The following CCSER1 variants were observed in gnomAD, a reference collection of about 807,000 sequenced individuals.
CCSER1 encodes the protein serine-rich coiled-coil domain-containing protein 1.
Under a neutral mutation model 82.0 loss-of-function variants are expected in CCSER1, and 41 were observed. That is an observed-to-expected ratio of 0.50 (90% CI 0.39 to 0.65). CCSER1 has a LOEUF of 0.65. Among genes scored for constraint, CCSER1 ranks in the 30% least tolerant of loss-of-function variants. CCSER1 has a pLI of 0.00. For missense variants in CCSER1, 1,119 were observed against 1,064.2 expected, an observed-to-expected ratio of 1.05 and a Z score of -0.72; for synonymous variants, 414 against 383.9, an observed-to-expected ratio of 1.08 and a Z score of -0.92.
intron 5 of CCSER1, among the ~76,000 whole-genome samples, chr4:90,544,438 C>T (rs79428743): frequency 1.3e-5 from 2 of 152,034 alleles, no homozygotes; most frequent in South Asian, 2.1e-4. Flanking sequence ...AAGTTCCTAG[C>T]GTGAAACTTC....
chr4:90,865,051 G>A lies in CCSER1; in HGVS notation c.2094+49206G>A, dbSNP rs150394333. ...TTTGTTTTCTTTATTCATCTAGGCAGCACTTTTTCATTTTGGTGAATCCAA... is the reference window on the plus strand; with the variant it reads ...TTTGTTTTCTTTATTCATCTAGGCAACACTTTTTCATTTTGGTGAATCCAA... On this transcript the variant is annotated intron_variant, in intron 8 of 10. Coordinates refer to ENST00000509176, the MANE Select transcript of CCSER1 (RefSeq NM_001145065.2). Among the ~76,000 whole-genome samples the A allele has an allele frequency of 3.1e-3, 471 of 151,992 alleles. 5 individuals carry two copies. The highest frequency in any genetic ancestry group is 3.0e-3 in the Non-Finnish European group (205 of 67,942).
At chr4:91,143,457 G>T (rs927932507) in intron 10 of CCSER1, among the ~76,000 whole-genome samples, 1 of 151,902 alleles carries the variant, frequency 6.6e-6, no homozygotes, top group Non-Finnish European at 1.5e-5. Flanking sequence ...TTTTCTATTT[G>T]TATGCTTTTT....
At chr4:90,353,047 G>GA (rs1436197550) in intron 3 of CCSER1, among the ~76,000 whole-genome samples, 1 of 152,116 alleles carries the variant, frequency 6.6e-6, no homozygotes. Flanking sequence ...AAGATGTTAT[G>GA]AAAAAACAGA....
At chr4:90,834,272 T>G (rs1419697073) in intron 8 of CCSER1, among the ~76,000 whole-genome samples, 1 of 152,214 alleles carries the variant, frequency 6.6e-6, no homozygotes, top group African/African-American at 2.4e-5. Context: ...GTGAATAATT[T>G]ATTTCTTGCT....
chr4:91,594,676 T>C (rs1182426575), intron 10 of CCSER1, among the ~76,000 whole-genome samples: 2 of 151,966 alleles, frequency 1.3e-5, no homozygotes, highest in Non-Finnish European at 2.9e-5. Flanking sequence ...AACTGAATGA[T>C]TGTTAGAGTT....
chr4:90,176,555 T>C (rs980453955), intron 1 of CCSER1, among the ~76,000 whole-genome samples: 2 of 152,026 alleles, frequency 1.3e-5, no homozygotes, highest in African/African-American at 2.4e-5. Context: ...TGATTTCCTA[T>C]GAGGGATATT....
At chr4:90,420,718 A>T (rs534067466) in intron 4 of CCSER1, among the ~76,000 whole-genome samples, 1 of 152,104 alleles carries the variant, frequency 6.6e-6, no homozygotes, top group Admixed American at 6.5e-5. Flanking sequence ...TTAAATAACA[A>T]CAATTTTAAT....
rs11944827 is a variant in CCSER1 at position 90,778,566 on chromosome 4, A to G, written c.2011-37196A>G. Reference sequence around the variant, plus strand: ...CACAAAAAGAAACCCATACACTAACATATTTTTTAAAAAAATCTATCATTC... The same window carrying G: ...CACAAAAAGAAACCCATACACTAACGTATTTTTTAAAAAAATCTATCATTC... On this transcript the variant is annotated intron_variant, in intron 7 of 10. Coordinates refer to ENST00000509176, the MANE Select transcript of CCSER1 (RefSeq NM_001145065.2). 4.5e-3 allele frequency among the ~76,000 whole-genome samples: 676 copies of G among 151,714 alleles called. 5 individuals carry two copies. Among genetic ancestry groups the G allele is most frequent in the African/African-American group, 0.016 (651 of 41,450 alleles).
intron 5 of CCSER1, among the ~76,000 whole-genome samples, chr4:90,621,768 TTTAC>T (rs1456468611): frequency 4.6e-5 from 7 of 152,358 alleles, no homozygotes; most frequent in Admixed American, 4.6e-4. Context: ...AGGTAGTTAA[TTTAC>T]TAGTAGGATC....
intron 10 of CCSER1, among the ~76,000 whole-genome samples, chr4:91,582,792 C>G (rs534388216): frequency 2.2e-4 from 33 of 151,520 alleles, no homozygotes; most frequent in African/African-American, 8.0e-4. Context: ...ATTCATCTTA[C>G]AGTATACTGC....
In CCSER1 at chr4:90,645,915, C is replaced by T. The variant is rs112353032; in HGVS notation, c.1932+17683C>T. Among the ~76,000 whole-genome samples the T allele has an allele frequency of 5.1e-3, 780 of 152,240 alleles. 2 individuals carry two copies. The highest frequency in any genetic ancestry group is 0.01 in the Middle Eastern group (3 of 294). ...ATACCACCGGAAAGATAATTGAAAA[C>T]GCTAAATAATCTTGAATTGTTTCTT... is the stretch of plus-strand genomic sequence containing the variant. On this transcript the variant is annotated intron_variant, in intron 6 of 10. Transcript: ENST00000509176.
chr4:90,531,615 T>C (rs1331565003), intron 5 of CCSER1, among the ~76,000 whole-genome samples: 1 of 152,148 alleles, frequency 6.6e-6, no homozygotes, highest in Non-Finnish European at 1.5e-5. Flanking sequence ...TTGAATCATA[T>C]TCGGAGTCAG....
Position 91,399,446 on chromosome 4 carries a change from C to G in CCSER1, c.2218-199126C>G, listed in dbSNP as rs545273397. Among the ~76,000 whole-genome samples the G allele has an allele frequency of 2.0e-5, 3 of 152,066 alleles. No homozygotes were observed. In the South Asian group the frequency reaches 6.2e-4, roughly 32 times the overall value. ...AAATGTTCATCATTGTAATTTATGCCTATAAAACACTTCAATTTTTATCCC... is the reference window on the plus strand; with the variant it reads ...AAATGTTCATCATTGTAATTTATGCGTATAAAACACTTCAATTTTTATCCC... On this transcript the variant is annotated intron_variant, in intron 10 of 10. Coordinates refer to ENST00000509176, the MANE Select transcript of CCSER1 (RefSeq NM_001145065.2).
intron 5 of CCSER1, among the ~76,000 whole-genome samples, chr4:90,626,780 T>G (rs1048549298): frequency 4.6e-5 from 7 of 152,172 alleles, no homozygotes; most frequent in African/African-American, 1.4e-4. Context: ...AGAATTGTTG[T>G]GAGAATTAAA....
chr4:91,216,562 C>T (rs958546313), intron 10 of CCSER1, among the ~76,000 whole-genome samples: 2 of 152,090 alleles, frequency 1.3e-5, no homozygotes, highest in Non-Finnish European at 2.9e-5. Flanking sequence ...CTTCGTGATC[C>T]ACCCATCTCG....
intron 8 of CCSER1, among the ~76,000 whole-genome samples, chr4:90,875,802 G>A (rs968550694): frequency 2.6e-5 from 4 of 152,128 alleles, no homozygotes; most frequent in Non-Finnish European, 5.9e-5. Context: ...CAATGCACAG[G>A]AAGCCTAGTC....
Position 90,577,693 on chromosome 4 carries a change from A to AT in CCSER1, c.1725-50326dup, listed in dbSNP as rs199880299. Among the ~76,000 whole-genome samples, 1,097 of 152,114 alleles carry AT rather than the reference A, an allele frequency of 7.2e-3. 9 individuals carry two copies. The highest frequency in any genetic ancestry group is 0.037 in the Middle Eastern group (11 of 294). On this transcript the variant is annotated intron_variant, in intron 5 of 10. Coordinates refer to ENST00000509176, the MANE Select transcript of CCSER1 (RefSeq NM_001145065.2). The stretch of plus-strand genomic sequence containing the variant: ...GAATCCAAAAGTTCCAATATTACTT[A>AT]TTTTTTAAAATTTTTGTATCATATT...
chr4:91,102,601 C>T (rs62312189), intron 10 of CCSER1, among the ~76,000 whole-genome samples: 46,272 of 152,008 alleles, frequency 0.3, 8,119 homozygotes, highest in East Asian at 0.45. Context: ...TTTTTAGAAT[C>T]AGTTAAACCT....
At position 90,616,726 on chromosome 4, in the gene CCSER1, CACACACACACACAAATAAAATA is replaced by C. The variant is rs775274999; in HGVS notation, c.1725-11297_1725-11276del. 7.5e-4 allele frequency among the ~76,000 whole-genome samples: 87 copies of C among 115,370 alleles called. 2 individuals carry two copies. Among genetic ancestry groups the C allele is most frequent in the Admixed American group, 3.3e-3 (41 of 12,366 alleles). The allele number at this position is 115,370 out of a possible 152,430, so 75.7% of individuals were successfully genotyped here. A position where few individuals can be genotyped will look rare whatever the true frequency, so the allele number is the denominator to read the frequency against. On this transcript the variant is annotated intron_variant, in intron 5 of 10. Coordinates refer to ENST00000509176, the MANE Select transcript of CCSER1 (RefSeq NM_001145065.2). ...ACACACACACACACACACACACACA[CACACACACACACAAATAAAATA>C]AAATAAAAGGGAGAGAGAGAAAAAA...
Sources: allele counts gnomAD v4.1 joint callset (sites outside exome capture counted in the v4.1 genomes callset), GRCh38; gene constraint gnomAD v4.1.1; transcripts MANE v1.5; gene names NCBI Gene and HGNC (gene_info 2026-07-23, HGNC 2026-07-21).